The following C5 variants were observed in gnomAD, a reference collection of about 807,000 sequenced individuals.
The protein encoded by C5 is C3 and PZP-like alpha-2-macroglobulin domain-containing protein 4.
Under a neutral mutation model 218.8 loss-of-function variants are expected in C5, and 140 were observed. The observed-to-expected ratio is 0.64, with a 90% confidence interval of 0.56 to 0.74. The LOEUF is 0.74. Among genes scored for constraint, C5 ranks in the 30% least tolerant of loss-of-function variants. C5 has a pLI of 0.00. For synonymous variants in C5, 614 were observed against 682.3 expected, an observed-to-expected ratio of 0.90 and a Z score of 1.56; for missense variants, 1,700 against 1,969.6, an observed-to-expected ratio of 0.86 and a Z score of 2.59.
intron 23 of C5, 41 bp from the exon 24 acceptor site, chr9:120,989,821 T>A (rs779313692): frequency 2.1e-6 from 3 of 1,456,580 alleles, no homozygotes; most frequent in Non-Finnish European, 2.9e-6. Context: ...TGCTTTTTAT[T>A]AACTTCTAAC....
chr9:121,072,208 G>C, the C5 span, among the ~76,000 whole-genome samples: 2 of 152,120 alleles, frequency 1.3e-5, no homozygotes. Context: ...TACGGACTGA[G>C]AGATCACCCA....
chr9:121,067,572 A>G, the C5 span, among the ~76,000 whole-genome samples: 1 of 151,952 alleles, frequency 6.6e-6, no homozygotes, highest in Admixed American at 6.6e-5. Flanking sequence ...CATCTAAAAA[A>G]AAAAAAAAAA....
intron 4 of C5, among the ~76,000 whole-genome samples, chr9:121,036,817 G>A (rs1480927179): frequency 1.3e-5 from 2 of 151,532 alleles, no homozygotes; most frequent in Non-Finnish European, 2.9e-5. Flanking sequence ...TTTTAGTATG[G>A]TTTTGTTCTG....
chr9:120,982,575 C>T, intron 26 of C5, 80 bp downstream of exon 26: 1 of 1,138,576 alleles, frequency 8.8e-7, no homozygotes. Context: ...TCTTCTTCTT[C>T]TTCATCCTCC....
chr9:121,033,900 T>TC (rs1243256700), intron 5 of C5, among the ~76,000 whole-genome samples: 11 of 140,662 alleles, frequency 7.8e-5, no homozygotes, highest in African/African-American at 3.2e-4. Context: ...CCTCCCTCTT[T>TC]CTTTCCTTCC....
At chr9:121,050,323 T>G (rs780039873), upstream of C5, 251 of 1,175,586 alleles carry the variant, frequency 2.1e-4, no homozygotes, top group Non-Finnish European at 3.1e-4. Flanking sequence ...ACTTGAAGAA[T>G]TCAGATAATC....
chr9:121,059,250 G>A, the C5 span, among the ~76,000 whole-genome samples: 1 of 152,078 alleles, frequency 6.6e-6, no homozygotes, highest in Non-Finnish European at 1.5e-5. The surrounding 1 kb of genome is among the most constrained non-coding windows in gnomAD (Gnocchi z 4.1). Context: ...GGGAGGAAGT[G>A]GAAAATAATA....
At chr9:121,067,695 G>A in the C5 span, among the ~76,000 whole-genome samples, 1 of 152,248 alleles carries the variant, frequency 6.6e-6, no homozygotes, top group Non-Finnish European at 1.5e-5. Context: ...CCTGGTGGGA[G>A]GTGGGTGGAT....
chr9:121,040,953 T>C (rs1359102792), intron 3 of C5, among the ~76,000 whole-genome samples: 3 of 38,048 alleles, frequency 7.9e-5, no homozygotes, highest in African/African-American at 1.4e-4. Context: ...TTTTTTTCTC[T>C]TTTTTTTTTT....
chr9:121,006,683 C>CA (rs1055697120), intron 19 of C5, among the ~76,000 whole-genome samples: 1 of 147,710 alleles, frequency 6.8e-6, no homozygotes, highest in Non-Finnish European at 1.5e-5. Context: ...TCTTCATTTA[C>CA]AAAAAAAGGA....
intron 14 of C5, 75 bp from the exon 15 acceptor site, chr9:121,016,458 T>A: frequency 6.4e-7 from 1 of 1,567,234 alleles, no homozygotes; most frequent in Non-Finnish European, 8.8e-7. Flanking sequence ...AGGTACTAAT[T>A]GTTACATGGT....
rs530453091 is a variant in C5 at position 121,010,306 on chromosome 9, C to T, written c.2258-1808G>A. Reference sequence around the variant, plus strand: ...ATAAAGTTGCAGGATATAAAATCAACATACAAAAATCAGTAGCATTTCTAT... The same window carrying T: ...ATAAAGTTGCAGGATATAAAATCAATATACAAAAATCAGTAGCATTTCTAT... On this transcript the variant is annotated intron_variant, in intron 17 of 40. Transcript: ENST00000223642. 2.0e-5 allele frequency among the ~76,000 whole-genome samples: 3 copies of T among 152,242 alleles called. No homozygotes were observed. The South Asian group carries it at 6.2e-4, about 32-fold the overall frequency.
intron 39 of C5, 138 bp from the exon 40 acceptor site, chr9:120,954,006 G>A: frequency 1.2e-6 from 1 of 852,228 alleles, no homozygotes; most frequent in Non-Finnish European, 1.9e-6. Context: ...ATGTGGTTAA[G>A]GCTTCAGTCT....
chr9:121,014,816 T>C lies in C5; in HGVS notation c.2059+383A>G, dbSNP rs567969543. 2.0e-5 allele frequency among the ~76,000 whole-genome samples: 3 copies of C among 152,266 alleles called. No individual in the cohort carries two copies. The South Asian group carries it at 6.2e-4, about 32-fold the overall frequency. On this transcript the variant is annotated intron_variant, in intron 16 of 40. Transcript: ENST00000223642. ...GAACAATGCTACTAACAGTTAAATA[T>C]ATGAAATAGAAGTAATAGACTTCTA... is the stretch of plus-strand genomic sequence containing the variant.
intron 25 of C5, among the ~76,000 whole-genome samples, chr9:120,985,796 T>C (rs2047028609): frequency 6.6e-6 from 1 of 152,238 alleles, no homozygotes; most frequent in Admixed American, 6.5e-5. Flanking sequence ...ATAACCATTC[T>C]TTCTTTTACA....
At chr9:120,980,421 A>G (rs2046983629) in intron 27 of C5, among the ~76,000 whole-genome samples, 167 bp from the exon 28 acceptor site, 1 of 152,010 alleles carries the variant, frequency 6.6e-6, no homozygotes, top group Non-Finnish European at 1.5e-5. Context: ...CCTCCGAGAG[A>G]AGGAGCAGAG....
In C5 at chr9:120,970,206, T is replaced by A. The variant is rs1478231886; in HGVS notation, c.4126A>T (p.Ser1376Cys). 6.2e-7 allele frequency: 1 copy of A among 1,613,552 alleles called. No homozygotes were observed. Among genetic ancestry groups the A allele is most frequent in the Non-Finnish European group, 8.5e-7 (1 of 1,179,616 alleles). ...HKTSTSEEVC[S>C]FYLKIDTQDI... ...TGAGTATCGATTTTCAAATAAAAGC[T>A]GCAAACTTCCTCAGAGGTACTGGTT... The change falls in exon 32 of 41, where the codon AGC (serine) becomes TGC (cysteine). Residue 1376 changes from serine to cysteine, a missense_variant. Ser to Cys is a moderately radical substitution (Grantham distance 112). Coordinates refer to ENST00000223642, the MANE Select transcript of C5 (RefSeq NM_001735.3).
intron 25 of C5, among the ~76,000 whole-genome samples, chr9:120,984,709 T>G (rs982370261): frequency 7.0e-6 from 1 of 143,372 alleles, no homozygotes; most frequent in Admixed American, 7.3e-5. Flanking sequence ...AGGTATAAGC[T>G]CTTACTTTTT....
chr9:121,057,334 G>A, the C5 span, among the ~76,000 whole-genome samples: 1 of 152,050 alleles, frequency 6.6e-6, no homozygotes, highest in African/African-American at 2.4e-5. Flanking sequence ...ATGTAACACT[G>A]TAATTGCAGT....
Sources: allele counts gnomAD v4.1 joint callset (sites outside exome capture counted in the v4.1 genomes callset), GRCh38; gene constraint gnomAD v4.1.1; non-coding constraint Gnocchi (gnomAD v3.1); transcripts MANE v1.5; gene names NCBI Gene and HGNC (gene_info 2026-07-23, HGNC 2026-07-21).